The following NKAIN2 variants were observed in gnomAD, a reference collection of about 807,000 sequenced individuals.
The protein encoded by NKAIN2 is sodium/potassium transporting ATPase interacting 2.
NKAIN2 carries 14 observed loss-of-function variants against 32.6 expected under a neutral mutation model. The ratio of observed to expected loss-of-function variants is 0.43; its 90% CI spans 0.28 to 0.67. The LOEUF (loss-of-function observed/expected upper bound fraction) is 0.67, where lower values mean the gene tolerates loss of function less well. Ranked by LOEUF, NKAIN2 falls within the 30% of genes least tolerant of loss-of-function variation. The pLI, the probability that NKAIN2 is intolerant of heterozygous loss-of-function variation, is 0.17. For synonymous variants in NKAIN2, 80 were observed against 87.2 expected (o/e 0.92, Z 0.46); for missense variants, 198 against 258.3 (o/e 0.77, Z 1.60).
intron 1 of NKAIN2, among the ~76,000 whole-genome samples, chr6:124,158,426 A>G (rs1788096548): frequency 1.3e-5 from 2 of 152,216 alleles, no homozygotes; most frequent in South Asian, 4.1e-4. Flanking sequence ...TCAGACCATA[A>G]TAACACTGAA....
At chr6:123,821,949 C>G (rs1773941238) in intron 1 of NKAIN2, among the ~76,000 whole-genome samples, 1 of 151,140 alleles carries the variant, frequency 6.6e-6, no homozygotes, top group Admixed American at 6.6e-5. Context: ...AACACTTTTT[C>G]TTTTCAGCAT....
intron 1 of NKAIN2, among the ~76,000 whole-genome samples, chr6:124,018,902 C>A (rs771053795): frequency 1.3e-5 from 2 of 152,092 alleles, no homozygotes; most frequent in Non-Finnish European, 2.9e-5. Context: ...TTAGTCTGTT[C>A]TCATGCTTCT....
intron 2 of NKAIN2, among the ~76,000 whole-genome samples, chr6:124,287,283 C>T (rs1795597198): frequency 6.6e-6 from 1 of 152,100 alleles, no homozygotes; most frequent in South Asian, 2.1e-4. Flanking sequence ...AGGGCATTTG[C>T]TATATTTGAA....
At chr6:124,675,743 T>G (rs1390638933) in intron 4 of NKAIN2, among the ~76,000 whole-genome samples, 1 of 152,040 alleles carries the variant, frequency 6.6e-6, no homozygotes, top group African/African-American at 2.4e-5. Context: ...TTTTTTATCC[T>G]AAGTGAATGT....
At chr6:123,979,162 A>AT (rs71706471) in intron 1 of NKAIN2, among the ~76,000 whole-genome samples, 13,018 of 152,164 alleles carry the variant, frequency 0.086, 1,835 homozygotes, top group African/African-American at 0.29. Flanking sequence ...TCAGAAATCA[A>AT]TCTGATTTGA....
At chr6:123,893,149 A>T (rs1774101080) in intron 1 of NKAIN2, among the ~76,000 whole-genome samples, 1 of 152,062 alleles carries the variant, frequency 6.6e-6, no homozygotes, top group Non-Finnish European at 1.5e-5. Flanking sequence ...CTTTCAGTTC[A>T]TACTTCTTTT....
intron 4 of NKAIN2, among the ~76,000 whole-genome samples, chr6:124,688,825 T>C (rs2114531513): frequency 6.6e-6 from 1 of 152,264 alleles, no homozygotes; most frequent in African/African-American, 2.4e-5. Flanking sequence ...TTTGTATCAC[T>C]GAACAATAAT....
At chr6:123,963,090 T>C (rs1234274350) in intron 1 of NKAIN2, among the ~76,000 whole-genome samples, 1 of 152,156 alleles carries the variant, frequency 6.6e-6, no homozygotes, top group Non-Finnish European at 1.5e-5. Context: ...ATAATTTGGC[T>C]AATGTTGTGG....
chr6:123,936,212 A>G (rs1776502444), intron 1 of NKAIN2, among the ~76,000 whole-genome samples: 1 of 152,198 alleles, frequency 6.6e-6, no homozygotes, highest in South Asian at 2.1e-4. Flanking sequence ...CATCGCACAC[A>G]TTGGAAAACA....
chr6:124,008,413 C>A (rs1378648616), intron 1 of NKAIN2, among the ~76,000 whole-genome samples: 2 of 152,086 alleles, frequency 1.3e-5, no homozygotes, highest in African/African-American at 4.8e-5. Flanking sequence ...ATATTATGTA[C>A]AACTCATTAG....
At chr6:123,891,988 G>A (rs1582726321) in intron 1 of NKAIN2, among the ~76,000 whole-genome samples, 1 of 152,122 alleles carries the variant, frequency 6.6e-6, no homozygotes, top group African/African-American at 2.4e-5. Context: ...GCAGATCTGT[G>A]GATGAGGCCA....
chr6:123,820,977 C>G (rs928530), intron 1 of NKAIN2, among the ~76,000 whole-genome samples: 43,891 of 152,010 alleles, frequency 0.29, 9,354 homozygotes, highest in African/African-American at 0.57. Context: ...CAAACCATAG[C>G]GGGGAAAACA....
intron 1 of NKAIN2, among the ~76,000 whole-genome samples, chr6:124,051,632 A>T (rs1230641649): frequency 6.6e-6 from 1 of 151,882 alleles, no homozygotes; most frequent in Admixed American, 6.6e-5. Flanking sequence ...TTAACAAGCC[A>T]ATTACCTTCT....
chr6:124,288,715 A>G (rs976016580), intron 2 of NKAIN2, among the ~76,000 whole-genome samples: 3 of 152,188 alleles, frequency 2.0e-5, no homozygotes, highest in Admixed American at 2.0e-4. Flanking sequence ...TATATGTTAA[A>G]TAAGGACAAA....
intron 1 of NKAIN2, among the ~76,000 whole-genome samples, chr6:124,030,202 T>G (rs1472128793): frequency 6.6e-6 from 1 of 152,158 alleles, no homozygotes; most frequent in Non-Finnish European, 1.5e-5. Flanking sequence ...GAGTTATAAT[T>G]TTTTCATTAT....
At chr6:123,850,098 A>T in intron 1 of NKAIN2, among the ~76,000 whole-genome samples, 1 of 151,550 alleles carries the variant, frequency 6.6e-6, no homozygotes, top group East Asian at 1.9e-4. Context: ...GAGAGCCCGC[A>T]TGCCGAGCTG....
chr6:124,672,861 TA>T (rs768260070), intron 4 of NKAIN2, among the ~76,000 whole-genome samples: 1 of 152,072 alleles, frequency 6.6e-6, no homozygotes, highest in Non-Finnish European at 1.5e-5. Flanking sequence ...AACTACTCTC[TA>T]ACTCATTTGG....
chr6:123,898,555 T>G (rs1195803654), intron 1 of NKAIN2, among the ~76,000 whole-genome samples: 1 of 147,686 alleles, frequency 6.8e-6, no homozygotes, highest in African/African-American at 2.6e-5. Context: ...AGGGGTGTTT[T>G]TTTTTTTTTT....
At chr6:124,251,410 CA>C (rs1424096020) in intron 1 of NKAIN2, among the ~76,000 whole-genome samples, 1 of 151,800 alleles carries the variant, frequency 6.6e-6, no homozygotes, top group Admixed American at 6.6e-5. Context: ...AAAGACATGT[CA>C]AGCCCAGAAG....
Sources: allele counts gnomAD v4.1 joint callset (sites outside exome capture counted in the v4.1 genomes callset), GRCh38; gene constraint gnomAD v4.1.1; transcripts MANE v1.5; gene names NCBI Gene and HGNC (gene_info 2026-07-23, HGNC 2026-07-21).